Variants in FANCC observed in about 807,000 individuals in gnomAD.
The protein encoded by FANCC is FA complementation group C.
FANCC carries 55 observed loss-of-function variants against 71.3 expected under a neutral mutation model. The observed-to-expected ratio is 0.77, with a 90% CI of 0.62 to 0.97. The LOEUF (loss-of-function observed/expected upper bound fraction) is 0.97, where lower values mean the gene tolerates loss of function less well. Ranked by LOEUF, FANCC falls within the 50% of genes least tolerant of loss-of-function variation. FANCC has a pLI of 0.00. For synonymous variants in FANCC, 275 were observed against 244.9 expected, an observed-to-expected ratio of 1.12 and a Z score of -1.15; for missense variants, 678 against 670.9, an observed-to-expected ratio of 1.01 and a Z score of -0.12.
At chr9:95,290,017 T>C (rs1216912486) in intron 1 of FANCC, among the ~76,000 whole-genome samples, 2 of 152,178 alleles carry the variant, frequency 1.3e-5, no homozygotes, top group Non-Finnish European at 2.9e-5. Context: ...AAAGACTGAT[T>C]CCAGAAAATT....
At position 95,291,905 on chromosome 9, in the gene FANCC, G is replaced by A. The variant is rs1357148327; in HGVS notation, c.-79+25621C>T. ...GGAGGATGCAGTGAGCCAAGATCGC[G>A]CCACTCCACTCCAGCCTAGGTGAGA... On this transcript the variant is annotated intron_variant, in intron 1 of 14. Coordinates refer to ENST00000289081, the MANE Select transcript of FANCC (RefSeq NM_000136.3). 1.2e-4 allele frequency among the ~76,000 whole-genome samples: 16 copies of A among 131,484 alleles called. No homozygotes were observed. The East Asian group carries it at 1.4e-3, about 11-fold the overall frequency. The allele number at this position is 131,484 out of a possible 152,430, so 86.3% of individuals were successfully genotyped here. A position where few individuals can be genotyped will look rare whatever the true frequency, so the allele number is the denominator to read the frequency against.
chr9:95,101,999 G>T, intron 14 of FANCC, 149 bp from the exon 15 acceptor site: 1 of 905,000 alleles, frequency 1.1e-6, no homozygotes, highest in Non-Finnish European at 1.7e-6. Flanking sequence ...AGGGGCTCTA[G>T]TTTGCAAGGT....
chr9:95,259,565 G>T (rs1240188728), intron 1 of FANCC, among the ~76,000 whole-genome samples: 1 of 152,122 alleles, frequency 6.6e-6, no homozygotes, highest in Non-Finnish European at 1.5e-5. Flanking sequence ...AGACTTAAAT[G>T]TAAGACCTAA....
At chr9:95,117,247 A>G in intron 11 of FANCC, 68 bp downstream of exon 11, 2 of 1,352,278 alleles carry the variant, frequency 1.5e-6, no homozygotes, top group South Asian at 1.2e-5. Flanking sequence ...CCTGATGAGG[A>G]GGTCATAATT....
intron 1 of FANCC, among the ~76,000 whole-genome samples, chr9:95,311,234 A>G (rs956435603): frequency 7.1e-4 from 38 of 53,480 alleles, no homozygotes; most frequent in South Asian, 3.2e-3. Flanking sequence ...ATTCCGTCTC[A>G]AAAAAAAAAA....
At chr9:95,163,524 G>A (rs1307872638) in intron 6 of FANCC, among the ~76,000 whole-genome samples, 1 of 152,162 alleles carries the variant, frequency 6.6e-6, no homozygotes, top group Non-Finnish European at 1.5e-5. Flanking sequence ...ACTGGAACCT[G>A]AAGATTGCTT....
intron 4 of FANCC, among the ~76,000 whole-genome samples, chr9:95,217,856 C>G (rs1364336179): frequency 6.6e-6 from 1 of 152,146 alleles, no homozygotes; most frequent in South Asian, 2.1e-4. Context: ...AACCGTTGCT[C>G]AGTTCATGGG....
At chr9:95,119,746 C>T (rs2072722179) in intron 10 of FANCC, among the ~76,000 whole-genome samples, 1 of 151,752 alleles carries the variant, frequency 6.6e-6, no homozygotes, top group Non-Finnish European at 1.5e-5. Context: ...TGGTTTCACT[C>T]TGTTGCCCAA....
At chr9:95,171,049 G>C (rs2135577548) in intron 6 of FANCC, 30 bp downstream of exon 6, 1 of 1,573,792 alleles carries the variant, frequency 6.4e-7, no homozygotes, top group Non-Finnish European at 8.7e-7. Flanking sequence ...TTTGAAACCT[G>C]AGAAGAAGGA....
intron 4 of FANCC, among the ~76,000 whole-genome samples, chr9:95,173,177 AG>A (rs1431123224): frequency 6.6e-5 from 10 of 152,194 alleles, no homozygotes; most frequent in Non-Finnish European, 1.3e-4. Flanking sequence ...TGAATAGCTA[AG>A]CTGTATGGGG....
chr9:95,170,679 T>TGTGTGTGTGTGTGTGG (rs1554842441), intron 6 of FANCC, among the ~76,000 whole-genome samples: 1 of 144,656 alleles, frequency 6.9e-6, no homozygotes, highest in Non-Finnish European at 1.5e-5. Flanking sequence ...TGTGTGTGTG[T>TGTGTGTGTGTGTGTGG]TGGGAGCAGA....
chr9:95,213,178 A>G (rs1032506051), intron 4 of FANCC, among the ~76,000 whole-genome samples: 4 of 152,152 alleles, frequency 2.6e-5, no homozygotes, highest in African/African-American at 9.7e-5. Flanking sequence ...GAGTTTTTCA[A>G]TGTTGCTAAT....
intron 1 of FANCC, chr9:95,292,262 G>C (rs1420245266): frequency 4.9e-6 from 1 of 204,310 alleles, no homozygotes; most frequent in Admixed American, 6.5e-5. Flanking sequence ...GCAGAAAAAC[G>C]GAGGTAGACC....
intron 1 of FANCC, among the ~76,000 whole-genome samples, chr9:95,314,808 T>G (rs1045269167): frequency 6.6e-6 from 1 of 152,106 alleles, no homozygotes; most frequent in East Asian, 1.9e-4. Flanking sequence ...TAAATACTGC[T>G]AAGAGAAATT....
At chr9:95,183,376 C>T (rs1036947489) in intron 4 of FANCC, among the ~76,000 whole-genome samples, 3 of 152,232 alleles carry the variant, frequency 2.0e-5, no homozygotes, top group African/African-American at 7.2e-5. Context: ...CTGTCCTTCA[C>T]ATTCCTACCA....
At chr9:95,149,785 C>T (rs915827464) in intron 7 of FANCC, 138 bp downstream of exon 7, 1 of 1,021,746 alleles carries the variant, frequency 9.8e-7, no homozygotes, top group Non-Finnish European at 1.5e-6. Context: ...GGCCGGGATA[C>T]TCAGTAATTT....
chr9:95,290,480 T>C (rs921923085), intron 1 of FANCC, among the ~76,000 whole-genome samples: 1 of 152,038 alleles, frequency 6.6e-6, no homozygotes, highest in Non-Finnish European at 1.5e-5. Context: ...TTGAGTAGAG[T>C]AGTTTATTTG....
chr9:95,196,030 G>C (rs1827433805), intron 4 of FANCC, among the ~76,000 whole-genome samples: 1 of 152,150 alleles, frequency 6.6e-6, no homozygotes, highest in Non-Finnish European at 1.5e-5. Flanking sequence ...GATTCTTTAA[G>C]ATATTCTATG....
intron 3 of FANCC, among the ~76,000 whole-genome samples, chr9:95,243,950 C>A (rs1213875325): frequency 6.6e-6 from 1 of 152,232 alleles, no homozygotes; most frequent in African/African-American, 2.4e-5. Context: ...ACAGCCAGGG[C>A]ATACCTCAAC....
Sources: allele counts gnomAD v4.1 joint callset (sites outside exome capture counted in the v4.1 genomes callset), GRCh38; gene constraint gnomAD v4.1.1; transcripts MANE v1.5; gene names NCBI Gene and HGNC (gene_info 2026-07-23, HGNC 2026-07-21).